The following DMXL2 variants were observed in gnomAD, a reference collection of about 807,000 sequenced individuals.
DMXL2 encodes dmX-like protein 2.
Under a neutral mutation model 331.1 loss-of-function variants are expected in DMXL2, and 103 were observed. The observed-to-expected ratio is 0.31, with a 90% CI of 0.27 to 0.37. DMXL2 has a LOEUF of 0.37. DMXL2 is among the 10% of genes least tolerant of loss of function. The pLI is 1.00. For missense variants in DMXL2, 3,171 were observed against 3,642.9 expected (o/e 0.87, Z 3.33); for synonymous variants, 1,281 against 1,252.1 (o/e 1.02, Z -0.49).
At chr15:51,543,299 C>T (rs901554132) in intron 8 of DMXL2, among the ~76,000 whole-genome samples, 10 of 152,188 alleles carry the variant, frequency 6.6e-5, no homozygotes, top group African/African-American at 2.4e-4. Flanking sequence ...TTGTTCCCCA[C>T]ATTCAATTAA....
rs1390802059 is a variant in DMXL2, at chr15:51,498,703, G to C, written c.4521C>G (p.Gly1507=). 1.9e-6 allele frequency: 3 copies of C among 1,614,098 alleles called. No individual in the cohort carries two copies. The highest frequency in any genetic ancestry group is 1.7e-5 in the Admixed American group (1 of 60,004). Residue 1507 remains glycine, a synonymous_variant, in exon 18 of 44, where the codon GGC becomes GGG. Coordinates refer to ENST00000560891, the MANE Select transcript of DMXL2 (RefSeq NM_001378457.1). The part of the protein sequence containing the change: ...NLSQYGPAYF[G]QEHARVLSSH... ...TTGAAAGTACCCTTGCATGTTCTTG[G>C]CCAAAGTAAGCTGGTCCATATTGAG...
chr15:51,489,659 A>T (rs1046141920), intron 20 of DMXL2, among the ~76,000 whole-genome samples: 2 of 149,794 alleles, frequency 1.3e-5, no homozygotes, highest in Admixed American at 6.7e-5. Context: ...TGTCTCAAAG[A>T]AAAAAAAAAG....
In DMXL2 at chr15:51,498,039, C is replaced by G. The variant is rs931013587; in HGVS notation, c.4672+513G>C. On this transcript the variant is annotated intron_variant, in intron 18 of 43. Transcript: ENST00000560891. ...CTTGAGCTCAGGAATTCGAGACTAG[C>G]TGGGGCAACATAAGGAGACCTAGTC... Among the ~76,000 whole-genome samples the G allele has an allele frequency of 1.2e-4, 18 of 152,218 alleles. 3 individuals are homozygous for G. Among genetic ancestry groups the G allele is most frequent in the Admixed American group, 1.2e-3 (18 of 15,282 alleles).
chr15:51,565,390 A>ATGCC (rs1281925167), intron 3 of DMXL2, among the ~76,000 whole-genome samples: 1 of 152,156 alleles, frequency 6.6e-6, no homozygotes, highest in African/African-American at 2.4e-5. Flanking sequence ...ATGCCCAAAC[A>ATGCC]AAGCAGGTTC....
intron 33 of DMXL2, chr15:51,459,904 A>C: frequency 8.9e-7 from 1 of 1,126,646 alleles, no homozygotes; most frequent in Non-Finnish European, 1.1e-6. Context: ...TTTCAAAATA[A>C]AAATTAGTTA....
At chr15:51,604,274 T>A (rs199910427) in intron 1 of DMXL2, among the ~76,000 whole-genome samples, 62 of 126,260 alleles carry the variant, frequency 4.9e-4, no homozygotes, top group Non-Finnish European at 6.0e-4. Flanking sequence ...AGGGCATCTA[T>A]AAAAAAAAAA....
In DMXL2 at chr15:51,536,731, C is replaced by G. The variant is rs747551174; in HGVS notation, c.1749G>C (p.Gly583=). ...ATCCGTGAGGACTGCCTACAGACAT[C>G]CCCTCCTGGTGTAACAGCGTGTGGT... is the stretch of plus-strand genomic sequence containing the variant. ...DSHHTLLHQE[G]MSVGSPHGSQ... Residue 583 remains glycine (G), a synonymous_variant, in exon 12 of 44, where the codon GGG becomes GGC. Transcript: ENST00000560891. 1 of 1,614,022 alleles carries G rather than the reference C, an allele frequency of 6.2e-7. No individual in the cohort carries two copies. Among genetic ancestry groups the G allele is most frequent in the Non-Finnish European group, 8.5e-7 (1 of 1,179,972 alleles).
At chr15:51,457,230 T>G in intron 37 of DMXL2, 98 bp downstream of exon 37, 1 of 1,290,268 alleles carries the variant, frequency 7.8e-7, no homozygotes, top group Non-Finnish European at 1.1e-6. Context: ...CTACTGGTGT[T>G]TGTCCCTGAA....
At chr15:51,460,370 T>C (rs2040005515) in intron 33 of DMXL2, 1 of 985,316 alleles carries the variant, frequency 1.0e-6, no homozygotes, top group Non-Finnish European at 1.2e-6. Flanking sequence ...CCCCTATGGC[T>C]GCTGCAGCTG....
In DMXL2 at chr15:51,474,315, A is replaced by G. The variant is rs78064401; in HGVS notation, c.7213+29T>C. ...AACATTCAAAATGATTAACATTTAC[A>G]TACATTACTGGTATCAAACGTATCT... On this transcript the variant is annotated intron_variant, in intron 28 of 43. Coordinates refer to ENST00000560891, the MANE Select transcript of DMXL2 (RefSeq NM_001378457.1). 3.2e-6 allele frequency: 5 copies of G among 1,561,318 alleles called. No individual in the cohort carries two copies. In the Admixed American group the frequency reaches 7.9e-5, roughly 25 times the overall value.
At position 51,538,351 on chromosome 15, in the gene DMXL2, A is replaced by C; in HGVS notation, c.1207T>G (p.Ser403Ala). ...AATTGATGCATAAATACTTCTGTAG[A>C]TGATGTAAAATGAAATTCCTTGTTG... ...LNNKEFHFTS[S>A]TEVFMHQLRK... The change falls in exon 10 of 44, where the codon TCT becomes GCT. Residue 403 changes from serine (S) to alanine (A), a missense_variant. By Grantham distance (99) the Ser-to-Ala change is moderately conservative (BLOSUM62 1). Transcript: ENST00000560891. The C allele has an allele frequency of 6.2e-7, 1 of 1,613,818 alleles. No homozygotes were observed. The highest frequency in any genetic ancestry group is 8.5e-7 in the Non-Finnish European group (1 of 1,179,776).
chr15:51,578,389 G>A (rs2051188212), intron 1 of DMXL2, among the ~76,000 whole-genome samples: 2 of 152,030 alleles, frequency 1.3e-5, no homozygotes, highest in Non-Finnish European at 2.9e-5. Flanking sequence ...TCACTCTTAC[G>A]GCTCAGTCAC....
chr15:51,536,675 T>C lies in DMXL2; in HGVS notation c.1805A>G (p.His602Arg). 6.2e-7 allele frequency: 1 copy of C among 1,614,146 alleles called. No homozygotes were observed. The highest frequency in any genetic ancestry group is 8.5e-7 in the Non-Finnish European group (1 of 1,180,006). Residue 602 changes from histidine (H) to arginine (R), a missense_variant, in exon 12 of 44, where the codon CAT becomes CGT. This residue lies in a region of DMXL2 where 1,674 missense variants were observed against 1,780.2 expected (regional missense o/e 0.94). Coordinates refer to ENST00000560891, the MANE Select transcript of DMXL2 (RefSeq NM_001378457.1). ...TACTGTGGGAGCTAAGATGTTCATA[T>C]GTGTACTGTGGGATCTAGAGTGTGG... Reference protein sequence around the residue: ...SQPHSRSHSTHMNILAPTVMM... With the variant: ...SQPHSRSHSTRMNILAPTVMM...
At chr15:51,596,485 AGTTC>A (rs2052816394) in intron 1 of DMXL2, among the ~76,000 whole-genome samples, 2 of 152,246 alleles carry the variant, frequency 1.3e-5, no homozygotes, top group South Asian at 4.1e-4. Context: ...ACTGTAAACT[AGTTC>A]GACCATTGTG....
At chr15:51,596,676 G>A (rs1444757747) in intron 1 of DMXL2, among the ~76,000 whole-genome samples, 4 of 152,162 alleles carry the variant, frequency 2.6e-5, no homozygotes, top group Admixed American at 2.0e-4. Context: ...CAACCCAAAT[G>A]TCCAACAATG....
chr15:51,601,272 CAAAGCAAG>C, intron 1 of DMXL2, among the ~76,000 whole-genome samples: 1 of 122,076 alleles, frequency 8.2e-6, no homozygotes, highest in African/African-American at 3.2e-5. Context: ...GCCTGGGTGA[CAAAGCAAG>C]ACTCCATCTC....
intron 6 of DMXL2, among the ~76,000 whole-genome samples, chr15:51,553,807 A>T (rs2049375635): frequency 6.9e-6 from 1 of 145,942 alleles, no homozygotes; most frequent in African/African-American, 2.8e-5. Flanking sequence ...AAAAAAGAGT[A>T]GAGTATACAA....
At position 51,590,113 on chromosome 15, in the gene DMXL2, G is replaced by A. The variant is rs367961569; in HGVS notation, c.88-13932C>T. On this transcript the variant is annotated intron_variant, in intron 1 of 43. Coordinates refer to ENST00000560891, the MANE Select transcript of DMXL2 (RefSeq NM_001378457.1). ...AACAGTATAAAACTGACTGGATCTGGCGTTGACACTTGATTCCAAAGACCA... is the reference window on the plus strand; with the variant it reads ...AACAGTATAAAACTGACTGGATCTGACGTTGACACTTGATTCCAAAGACCA... Among the ~76,000 whole-genome samples the A allele has an allele frequency of 2.5e-4, 38 of 152,318 alleles. 1 individual carries two copies. In the East Asian group the frequency reaches 4.8e-3, roughly 19 times the overall value.
At chr15:51,560,076 T>C (rs760736208) in intron 6 of DMXL2, among the ~76,000 whole-genome samples, 17 of 152,178 alleles carry the variant, frequency 1.1e-4, no homozygotes, top group African/African-American at 3.9e-4. Context: ...GTAAATGTTA[T>C]TGAGACAACT....
Sources: allele counts gnomAD v4.1 joint callset (sites outside exome capture counted in the v4.1 genomes callset), GRCh38; gene constraint gnomAD v4.1.1; regional missense constraint gnomAD v4.1.1; transcripts MANE v1.5; gene names NCBI Gene and HGNC (gene_info 2026-07-23, HGNC 2026-07-21).